Variants in CACNA1C observed in about 807,000 individuals in gnomAD.
CACNA1C encodes the protein voltage-dependent L-type calcium channel subunit alpha-1C.
In CACNA1C, 30 loss-of-function variants were observed where a neutral mutation model predicts 229.0. That is an observed-to-expected ratio of 0.13 (90% CI 0.10 to 0.18). The LOEUF (loss-of-function observed/expected upper bound fraction) is 0.18. Ranked by LOEUF, CACNA1C falls within the 10% of genes least tolerant of loss-of-function variation. The pLI, the probability that CACNA1C is intolerant of heterozygous loss-of-function variation, is 1.00. For missense variants in CACNA1C, 1,658 were observed against 2,845.0 expected, an observed-to-expected ratio of 0.58 and a Z score of 9.49; for synonymous variants, 1,114 against 1,132.5, an observed-to-expected ratio of 0.98 and a Z score of 0.33.
rs3085990 is a variant in CACNA1C, at chr12:2,067,481, T to TGTGTGTGTGCGCGC, written c.49+13871_49+13872insTGTGTGTGCGCGCG. ...GTGTGTGTGTGTGTGTGTGTGTGTG[T>TGTGTGTGTGCGCGC]GCGCGCGTGTGCGTGCCTGTATGTA... On this transcript the variant is annotated intron_variant, in intron 1 of 46. Transcript: ENST00000399655. This position sits in a 1 kb window ranked among gnomAD's most constrained non-coding sequence, Gnocchi z 5.3. Among the ~76,000 whole-genome samples, 10 of 140,778 alleles carry TGTGTGTGTGCGCGC rather than the reference T, an allele frequency of 7.1e-5. No individual in the cohort carries two copies. Among genetic ancestry groups the TGTGTGTGTGCGCGC allele is most frequent in the African/African-American group, 1.4e-4 (5 of 36,648 alleles). 92.4% of individuals were successfully genotyped at this position (140,778 alleles called of 152,430 possible).
intron 3 of CACNA1C, among the ~76,000 whole-genome samples, chr12:2,291,062 T>A (rs2093448085): frequency 6.6e-6 from 1 of 152,264 alleles, no homozygotes; most frequent in Non-Finnish European, 1.5e-5. Context: ...TAGAACTTGC[T>A]GAGTCCTAGC....
chr12:2,550,654 C>A (rs200329394), intron 10 of CACNA1C: 1 of 1,348,980 alleles, frequency 7.4e-7, no homozygotes, highest in African/African-American at 1.5e-5. Flanking sequence ...CTGAGTCAGA[C>A]CAGTCCCAGG....
At chr12:2,419,069 TC>T (rs1226759952) in intron 3 of CACNA1C, among the ~76,000 whole-genome samples, 1 of 152,222 alleles carries the variant, frequency 6.6e-6, no homozygotes, top group Admixed American at 6.5e-5. Context: ...ACTGAGGCCC[TC>T]CGGGGCATAA....
chr12:2,241,955 A>T (rs956799049), intron 3 of CACNA1C, among the ~76,000 whole-genome samples: 1 of 152,114 alleles, frequency 6.6e-6, no homozygotes, highest in African/African-American at 2.4e-5. Context: ...TGGCACTACC[A>T]TGCATGGTGC....
At chr12:2,217,807 G>GA (rs1282557111) in intron 3 of CACNA1C, 1 of 152,202 alleles carries the variant, frequency 6.6e-6, no homozygotes, top group Non-Finnish European at 1.5e-5. Context: ...CGATCGGTGT[G>GA]ACCTTGGGCC....
rs1049749826 is a variant in CACNA1C at position 2,054,205 on chromosome 12, C to T, written c.49+594C>T. Reference sequence around the variant, plus strand: ...TGCAGATGTGAAGCCCAGCGCGCCCCTCTGGTTCCCCCTCTGTAGGTCCCC... The same window carrying T: ...TGCAGATGTGAAGCCCAGCGCGCCCTTCTGGTTCCCCCTCTGTAGGTCCCC... On this transcript the variant is annotated intron_variant, in intron 1 of 46. Transcript: ENST00000399655. This position sits in a 1 kb window ranked among gnomAD's most constrained non-coding sequence, Gnocchi z 5.5. 3.9e-5 allele frequency among the ~76,000 whole-genome samples: 6 copies of T among 152,044 alleles called. No individual in the cohort carries two copies. Among genetic ancestry groups the T allele is most frequent in the Admixed American group, 2.0e-4 (3 of 15,282 alleles).
At chr12:2,642,788 G>T (rs796466545) in intron 30 of CACNA1C, among the ~76,000 whole-genome samples, 12 of 152,318 alleles carry the variant, frequency 7.9e-5, no homozygotes, top group African/African-American at 2.9e-4. Flanking sequence ...TGTTGGTGGA[G>T]GTTGGTTGGT....
At position 2,648,575 on chromosome 12, in the gene CACNA1C, C is replaced by A. The variant is rs1439408181; in HGVS notation, c.3945+68C>A. ...CCCTCTAACACCCCCACTCTCCCCA[C>A]CCCGAACTCCAGAGTCCCTGGGAGC... On this transcript the variant is annotated intron_variant, in intron 31 of 46. Coordinates refer to ENST00000399655, the MANE Select transcript of CACNA1C (RefSeq NM_000719.7). The A allele has an allele frequency of 4.8e-6, 7 of 1,453,792 alleles. No homozygotes were observed. In the African/African-American group the frequency reaches 9.8e-5, roughly 20 times the overall value. The allele number at this position is 1,453,792 out of a possible 1,614,324, so 90.1% of individuals were successfully genotyped here.
chr12:2,227,681 A>T (rs1464599874), intron 3 of CACNA1C, among the ~76,000 whole-genome samples: 1 of 152,202 alleles, frequency 6.6e-6, no homozygotes, highest in East Asian at 1.9e-4. Flanking sequence ...AATACACCCC[A>T]GGTGTCAATT....
At chr12:2,480,754 T>C (rs986543202) in intron 5 of CACNA1C, among the ~76,000 whole-genome samples, 1 of 152,222 alleles carries the variant, frequency 6.6e-6, no homozygotes, top group Non-Finnish European at 1.5e-5. Context: ...AATTCTGTCA[T>C]CAAGCCTCCT....
At chr12:2,124,749 C>CCAGGA (rs1421490590) in intron 3 of CACNA1C, among the ~76,000 whole-genome samples, 2 of 152,116 alleles carry the variant, frequency 1.3e-5, no homozygotes, top group Admixed American at 1.3e-4. Context: ...GAGCTGGCTC[C>CCAGGA]CAGGATGGTG....
At chr12:2,456,763 C>T (rs1169498917) in intron 4 of CACNA1C, among the ~76,000 whole-genome samples, 1 of 152,248 alleles carries the variant, frequency 6.6e-6, no homozygotes, top group Non-Finnish European at 1.5e-5. Flanking sequence ...CGCTCCTCCT[C>T]CTCAGCACTC....
intron 5 of CACNA1C, among the ~76,000 whole-genome samples, chr12:2,463,189 G>A (rs889995504): frequency 3.3e-5 from 5 of 152,300 alleles, no homozygotes; most frequent in East Asian, 3.9e-4. Context: ...GATTACAGGC[G>A]TGAGCCACCG....
At chr12:2,451,953 C>A (rs2099382539) in intron 4 of CACNA1C, among the ~76,000 whole-genome samples, 1 of 152,228 alleles carries the variant, frequency 6.6e-6, no homozygotes, top group Admixed American at 6.5e-5. Flanking sequence ...TTGTAACAAT[C>A]CCCCATCGCT....
At chr12:2,011,747 C>T (rs925330065) in intron 1 of CACNA1C, among the ~76,000 whole-genome samples, 2 of 152,084 alleles carry the variant, frequency 1.3e-5, no homozygotes, top group Non-Finnish European at 2.9e-5. Flanking sequence ...AACTAAGGGC[C>T]GAAAAGCCTT....
intron 3 of CACNA1C, among the ~76,000 whole-genome samples, chr12:2,156,777 C>A (rs1262268112): frequency 6.6e-6 from 1 of 152,192 alleles, no homozygotes; most frequent in African/African-American, 2.4e-5. Context: ...TCTTCAGCAC[C>A]CTTTTGAAGC....
chr12:2,239,998 CTT>C (rs1403328727), intron 3 of CACNA1C, among the ~76,000 whole-genome samples: 1 of 152,218 alleles, frequency 6.6e-6, no homozygotes, highest in African/African-American at 2.4e-5. Context: ...TTTGTGAAGA[CTT>C]AAACAAATTT....
chr12:2,355,364 C>T (rs60326477), intron 3 of CACNA1C, among the ~76,000 whole-genome samples: 12,697 of 150,988 alleles, frequency 0.084, 1,023 homozygotes, highest in African/African-American at 0.22. Flanking sequence ...ACCTCCCACC[C>T]CCCCACATTT....
chr12:2,690,767 C>T (rs897877536), intron 46 of CACNA1C, 133 bp from the exon 47 acceptor site: 3 of 833,436 alleles, frequency 3.6e-6, no homozygotes, highest in Admixed American at 2.9e-5. Flanking sequence ...AACACACACA[C>T]GTACACGTGC....
Sources: gnomAD v4.1 joint callset for allele counts (sites outside exome capture counted in the v4.1 genomes callset) on GRCh38, gnomAD v4.1.1 for gene constraint, Gnocchi (gnomAD v3.1) non-coding constraint, MANE v1.5 for transcripts, NCBI Gene and HGNC (gene_info 2026-07-23, HGNC 2026-07-21) for gene names.